KCNAB1: variants seen among roughly 807,000 people sequenced by gnomAD.
KCNAB1 encodes potassium voltage-gated channel subfamily A regulatory beta subunit 1, also known as voltage-gated potassium channel subunit beta-1.
A neutral mutation model predicts 64.6 loss-of-function variants in KCNAB1; 35 were observed. The observed-to-expected ratio is 0.54, with a 90% CI of 0.41 to 0.72. KCNAB1 has a LOEUF of 0.72. Among genes scored for constraint, KCNAB1 ranks in the 30% least tolerant of loss-of-function variants. KCNAB1 has a pLI of 0.00. For missense variants in KCNAB1, 401 were observed against 512.9 expected, an observed-to-expected ratio of 0.78 and a Z score of 2.11; for synonymous variants, 177 against 183.8, an observed-to-expected ratio of 0.96 and a Z score of 0.30.
At chr3:156,332,944 T>C (rs1354330506) in intron 1 of KCNAB1, among the ~76,000 whole-genome samples, 1 of 152,190 alleles carries the variant, frequency 6.6e-6, no homozygotes. Flanking sequence ...CTCAAAATTA[T>C]GTATCTTTTC....
At chr3:156,341,872 C>G (rs1277353877) in intron 1 of KCNAB1, among the ~76,000 whole-genome samples, 1 of 152,012 alleles carries the variant, frequency 6.6e-6, no homozygotes, top group Admixed American at 6.6e-5. Flanking sequence ...ACCCTGTGAC[C>G]TTTTATTCTA....
chr3:156,349,752 A>G (rs1387714133), intron 1 of KCNAB1, among the ~76,000 whole-genome samples: 1 of 152,084 alleles, frequency 6.6e-6, no homozygotes, highest in African/African-American at 2.4e-5. Context: ...TTTTGTAAAG[A>G]TGGGATTTCA....
chr3:156,140,748 G>A (rs1024551240), intron 1 of KCNAB1, among the ~76,000 whole-genome samples: 5 of 152,162 alleles, frequency 3.3e-5, no homozygotes, highest in African/African-American at 1.2e-4. Flanking sequence ...AAATCACAAG[G>A]GGTGTGCAAA....
At chr3:156,256,478 T>C (rs1264849586) in intron 1 of KCNAB1, among the ~76,000 whole-genome samples, 1 of 152,202 alleles carries the variant, frequency 6.6e-6, no homozygotes, top group Non-Finnish European at 1.5e-5. Flanking sequence ...GTGCTTTTAA[T>C]GGAGGAGGTG....
At chr3:156,412,983 G>A (rs1714780629) in intron 1 of KCNAB1, among the ~76,000 whole-genome samples, 1 of 152,232 alleles carries the variant, frequency 6.6e-6, no homozygotes, top group African/African-American at 2.4e-5. Flanking sequence ...GTGACCAGCA[G>A]GTGGTCTAAA....
At chr3:156,292,072 T>A in intron 1 of KCNAB1, 2 of 1,614,144 alleles carry the variant, frequency 1.2e-6, no homozygotes, top group Non-Finnish European at 1.7e-6. Context: ...CGTTCACGCC[T>A]CAGCATCACA....
chr3:156,426,966 T>C (rs1159577291), intron 2 of KCNAB1, among the ~76,000 whole-genome samples: 4 of 152,108 alleles, frequency 2.6e-5, no homozygotes, highest in Admixed American at 6.5e-5. Flanking sequence ...ATGAAGGCTA[T>C]AATAGAGGGA....
intron 1 of KCNAB1, among the ~76,000 whole-genome samples, chr3:156,388,281 C>A (rs147017218): frequency 2.6e-5 from 4 of 152,258 alleles, no homozygotes; most frequent in African/African-American, 9.6e-5. Context: ...GGAGTGAGGT[C>A]TTTAAACAGG....
chr3:156,342,674 A>C (rs1046291819), intron 1 of KCNAB1, among the ~76,000 whole-genome samples: 2 of 143,442 alleles, frequency 1.4e-5, no homozygotes, highest in African/African-American at 2.6e-5. Flanking sequence ...GGTTAGTTAC[A>C]TATGTATACA....
At chr3:156,243,315 C>A (rs1717277953) in intron 1 of KCNAB1, among the ~76,000 whole-genome samples, 1 of 152,200 alleles carries the variant, frequency 6.6e-6, no homozygotes, top group East Asian at 1.9e-4. Context: ...ACCCCCACCT[C>A]CTGGGTTCAA....
chr3:156,490,386 A>G (rs1277403255), intron 8 of KCNAB1, among the ~76,000 whole-genome samples: 3 of 152,170 alleles, frequency 2.0e-5, no homozygotes, highest in African/African-American at 7.2e-5. Context: ...CTGACATTCA[A>G]AGAAAGTCTC....
At chr3:156,411,765 C>T (rs1025073116) in intron 1 of KCNAB1, among the ~76,000 whole-genome samples, 83 of 152,318 alleles carry the variant, frequency 5.4e-4, no homozygotes, top group Admixed American at 5.4e-3. Context: ...ACATACACAA[C>T]ACTGCCTTTG....
At chr3:156,445,524 T>C (rs1365840586) in intron 2 of KCNAB1, among the ~76,000 whole-genome samples, 1 of 152,214 alleles carries the variant, frequency 6.6e-6, no homozygotes, top group African/African-American at 2.4e-5. Flanking sequence ...AAATGCGCAG[T>C]TGTGGTTAAA....
intron 12 of KCNAB1, among the ~76,000 whole-genome samples, chr3:156,528,187 A>AAAGAG (rs59586180): frequency 6.6e-6 from 1 of 151,264 alleles, no homozygotes; most frequent in East Asian, 1.9e-4. Flanking sequence ...AAAAAAAAAA[A>AAAGAG]AGAGAGAGAA....
intron 1 of KCNAB1, among the ~76,000 whole-genome samples, chr3:156,262,188 T>A (rs1038705344): frequency 6.6e-5 from 10 of 151,918 alleles, no homozygotes; most frequent in Admixed American, 3.9e-4. Flanking sequence ...CATCTTTAAT[T>A]TCCTTTTATT....
intron 1 of KCNAB1, among the ~76,000 whole-genome samples, chr3:156,324,663 C>G (rs536630772): frequency 6.6e-6 from 1 of 152,258 alleles, no homozygotes; most frequent in East Asian, 1.9e-4. Context: ...CCAGGCTTTG[C>G]TAGTTTGGGG....
chr3:156,258,818 A>G (rs758126871), intron 1 of KCNAB1, among the ~76,000 whole-genome samples: 5 of 152,198 alleles, frequency 3.3e-5, no homozygotes, highest in Non-Finnish European at 5.9e-5. Flanking sequence ...GGAAGATTTT[A>G]TAACAGACAA....
chr3:156,226,464 A>C (rs1716178573), intron 1 of KCNAB1, among the ~76,000 whole-genome samples: 2 of 152,232 alleles, frequency 1.3e-5, no homozygotes, highest in Non-Finnish European at 2.9e-5. Flanking sequence ...AAATTCTAGA[A>C]GATAACATCA....
At chr3:156,528,138 A>T (rs754650469) in intron 12 of KCNAB1, among the ~76,000 whole-genome samples, 1 of 151,064 alleles carries the variant, frequency 6.6e-6, no homozygotes, top group Non-Finnish European at 1.5e-5. Flanking sequence ...TTAAGGCCAA[A>T]AATAGTTCTC....
Sources: allele counts gnomAD v4.1 joint callset (sites outside exome capture counted in the v4.1 genomes callset), GRCh38; gene constraint gnomAD v4.1.1; transcripts MANE v1.5; gene names NCBI Gene and HGNC (gene_info 2026-07-23, HGNC 2026-07-21).